Variants in PSMB7 observed in about 807,000 individuals in gnomAD.
The protein encoded by PSMB7 is proteasome 20S subunit beta 7, also known as proteasome subunit beta type-7.
Under a neutral mutation model 28.1 loss-of-function variants are expected in PSMB7, and 5 were observed. The ratio of observed to expected loss-of-function variants is 0.18; its 90% CI spans 0.09 to 0.37. The LOEUF (loss-of-function observed/expected upper bound fraction) is 0.37, where lower values mean the gene tolerates loss of function less well. Among genes scored for constraint, PSMB7 ranks in the 10% least tolerant of loss-of-function variants. The pLI, the probability that PSMB7 is intolerant of heterozygous loss-of-function variation, is 1.00. For synonymous variants in PSMB7, 122 were observed against 123.7 expected (o/e 0.99, Z 0.09); for missense variants, 275 against 346.2 (o/e 0.79, Z 1.63).
chr9:124,383,500 T>TTC (rs1324755475), intron 6 of PSMB7: 4 of 152,174 alleles, frequency 2.6e-5, no homozygotes, highest in Admixed American at 2.6e-4. Flanking sequence ...TAATCCTACT[T>TTC]TCTCTGGCTT....
intron 5 of PSMB7, among the ~76,000 whole-genome samples, chr9:124,387,709 A>C (rs1398435201): frequency 1.3e-5 from 2 of 152,306 alleles, no homozygotes; most frequent in East Asian, 1.9e-4. Context: ...TCAGAAATAC[A>C]CAGAAGTGTT....
At chr9:124,401,148 T>TAAG (rs1281632452) in intron 5 of PSMB7, among the ~76,000 whole-genome samples, 2 of 152,250 alleles carry the variant, frequency 1.3e-5, no homozygotes, top group African/African-American at 4.8e-5. Context: ...TAACAGTGGT[T>TAAG]ACTCTGGAGG....
At chr9:124,406,901 C>T (rs1830972123) in intron 4 of PSMB7, among the ~76,000 whole-genome samples, 1 of 152,058 alleles carries the variant, frequency 6.6e-6, no homozygotes, top group Admixed American at 6.6e-5. Context: ...GCATGAGAAT[C>T]GCTTGAACCT....
intron 6 of PSMB7, among the ~76,000 whole-genome samples, chr9:124,377,981 C>T (rs1830630319): frequency 6.6e-6 from 1 of 152,250 alleles, no homozygotes; most frequent in African/African-American, 2.4e-5. Flanking sequence ...AGCAACTCAT[C>T]TTCAAAAGGC....
intron 6 of PSMB7, among the ~76,000 whole-genome samples, chr9:124,367,149 G>A (rs1489341534): frequency 6.6e-6 from 1 of 152,170 alleles, no homozygotes; most frequent in East Asian, 1.9e-4. Flanking sequence ...GGCCAGGGAG[G>A]AGGATCAGCA....
chr9:124,382,833 A>G (rs1281052111), intron 6 of PSMB7, among the ~76,000 whole-genome samples: 1 of 152,194 alleles, frequency 6.6e-6, no homozygotes, highest in African/African-American at 2.4e-5. Context: ...AATAAGGTAA[A>G]ATTACTTTGG....
chr9:124,398,236 T>A (rs1410110672), intron 5 of PSMB7, among the ~76,000 whole-genome samples: 6 of 149,140 alleles, frequency 4.0e-5, no homozygotes, highest in Non-Finnish European at 7.4e-5. Context: ...AACTCCTCAC[T>A]CCCTCGAAAG....
In PSMB7 at chr9:124,412,597, T is replaced by A. The variant is rs1831040359; in HGVS notation, c.255-105A>T. ...TCCATGAAGTTCAGGTACAGAGAGA[T>A]GTTTTTGAGTATATCTATGCTGTAA... is the stretch of plus-strand genomic sequence containing the variant. On this transcript the variant is annotated intron_variant, in intron 3 of 7. Coordinates refer to ENST00000259457, the MANE Select transcript of PSMB7 (RefSeq NM_002799.4). 5.9e-6 allele frequency: 7 copies of A among 1,187,192 alleles called. No homozygotes were observed. In the South Asian group the frequency reaches 7.4e-5, roughly 13 times the overall value. The allele number at this position is 1,187,192 out of a possible 1,614,324, so 73.5% of individuals were successfully genotyped here. A position where few individuals can be genotyped will look rare whatever the true frequency, so the allele number is the denominator to read the frequency against.
chr9:124,368,709 T>G (rs1012201656), intron 6 of PSMB7, among the ~76,000 whole-genome samples: 2 of 152,254 alleles, frequency 1.3e-5, no homozygotes, highest in African/African-American at 4.8e-5. Context: ...AATTTAATTT[T>G]CTTTGAAAGT....
chr9:124,366,105 AT>A (rs58284911), intron 6 of PSMB7, among the ~76,000 whole-genome samples: 57,063 of 151,312 alleles, frequency 0.38, 10,960 homozygotes, highest in Middle Eastern at 0.4. Context: ...TTAAAAAAAA[AT>A]TTTTTTAATA....
intron 5 of PSMB7, among the ~76,000 whole-genome samples, chr9:124,389,025 A>T (rs1158483153): frequency 6.6e-6 from 1 of 152,162 alleles, no homozygotes; most frequent in Non-Finnish European, 1.5e-5. Flanking sequence ...TACCCAAATG[A>T]GGGAGCCAAA....
chr9:124,391,052 C>T (rs537866160), intron 5 of PSMB7, among the ~76,000 whole-genome samples: 5 of 152,310 alleles, frequency 3.3e-5, no homozygotes, highest in African/African-American at 1.2e-4. Context: ...AGCGTTTCAG[C>T]ATGGGGCTAG....
At chr9:124,385,859 T>C (rs927419390) in intron 5 of PSMB7, among the ~76,000 whole-genome samples, 1 of 152,144 alleles carries the variant, frequency 6.6e-6, no homozygotes, top group Non-Finnish European at 1.5e-5. Flanking sequence ...GACTACCTTA[T>C]CTGAACCATT....
chr9:124,363,606 G>A (rs1283130710), intron 6 of PSMB7, among the ~76,000 whole-genome samples: 2 of 152,330 alleles, frequency 1.3e-5, no homozygotes, highest in Middle Eastern at 3.4e-3. Flanking sequence ...CAGCAGAGCC[G>A]AGCTGCAGCT....
At chr9:124,400,116 A>G (rs1588580426) in intron 5 of PSMB7, among the ~76,000 whole-genome samples, 2 of 151,414 alleles carry the variant, frequency 1.3e-5, no homozygotes, top group African/African-American at 4.9e-5. Context: ...ACCCCCACTC[A>G]CTGCTCCTGC....
chr9:124,413,590 C>A (rs1409541884), intron 3 of PSMB7, among the ~76,000 whole-genome samples: 2 of 151,904 alleles, frequency 1.3e-5, no homozygotes, highest in African/African-American at 4.8e-5. Context: ...AAAAAAGAAC[C>A]TCTATGGTTC....
intron 5 of PSMB7, among the ~76,000 whole-genome samples, chr9:124,387,224 C>T (rs1314897038): frequency 2.0e-5 from 3 of 151,996 alleles, no homozygotes; most frequent in South Asian, 2.1e-4. Context: ...CCAGCCTGGG[C>T]GACAGAGCAA....
At chr9:124,402,575 A>ACC (rs1253529611) in intron 5 of PSMB7, among the ~76,000 whole-genome samples, 1 of 126,954 alleles carries the variant, frequency 7.9e-6, no homozygotes, top group African/African-American at 3.0e-5. Context: ...AATGATAGGA[A>ACC]TAACAATGTG....
chr9:124,395,026 G>A (rs1354522021), intron 5 of PSMB7, among the ~76,000 whole-genome samples: 2 of 152,196 alleles, frequency 1.3e-5, no homozygotes. Flanking sequence ...ACAGAAAAAT[G>A]TATTGACACT....
Sources: allele counts gnomAD v4.1 joint callset (sites outside exome capture counted in the v4.1 genomes callset), GRCh38; gene constraint gnomAD v4.1.1; transcripts MANE v1.5; gene names NCBI Gene and HGNC (gene_info 2026-07-23, HGNC 2026-07-21).